KIF15: variants seen among roughly 807,000 people sequenced by gnomAD.
KIF15 encodes the protein kinesin-like protein KIF15.
KIF15 carries 140 observed loss-of-function variants against 190.6 expected under a neutral mutation model. The observed-to-expected ratio is 0.73, with a 90% CI of 0.64 to 0.84. The LOEUF is 0.84. KIF15 is among the 40% of genes least tolerant of loss of function. KIF15 has a pLI of 0.00. For missense variants in KIF15, 1,372 were observed against 1,584.4 expected (o/e 0.87, Z 2.28); for synonymous variants, 528 against 551.3 (o/e 0.96, Z 0.59).
intron 30 of KIF15, among the ~76,000 whole-genome samples, chr3:44,845,464 C>T: frequency 6.6e-6 from 1 of 151,744 alleles, no homozygotes; most frequent in East Asian, 1.9e-4. Context: ...AATCTTCAAT[C>T]AATTTTGAAC....
At chr3:44,868,098 A>G (rs1434397730) in intron 6 of KIF15, among the ~76,000 whole-genome samples, 2 of 152,194 alleles carry the variant, frequency 1.3e-5, no homozygotes, top group Non-Finnish European at 2.9e-5. Context: ...TCTCATACCC[A>G]TTAGCAGTCA....
At chr3:44,806,077 C>T in intron 16 of KIF15, 91 bp downstream of exon 16, 1 of 1,382,198 alleles carries the variant, frequency 7.2e-7, no homozygotes, top group Non-Finnish European at 9.9e-7. Context: ...TCTCCAGATG[C>T]AGATGACATC....
chr3:44,829,374 A>ATGTGTGTG (rs547572565), intron 24 of KIF15, among the ~76,000 whole-genome samples: 3 of 136,824 alleles, frequency 2.2e-5, no homozygotes, highest in Non-Finnish European at 4.6e-5. Flanking sequence ...ATATATATAT[A>ATGTGTGTG]TGTGTGTGTG....
chr3:44,761,982 C>T (rs930998493), intron 1 of KIF15, 98 bp downstream of exon 1: 16 of 1,485,944 alleles, frequency 1.1e-5, no homozygotes, highest in Admixed American at 1.7e-5. Flanking sequence ...TCTTGCTAGG[C>T]ATGAACTGCA....
intron 20 of KIF15, among the ~76,000 whole-genome samples, chr3:44,815,293 A>G (rs1011563856): frequency 6.6e-6 from 1 of 152,218 alleles, no homozygotes; most frequent in Non-Finnish European, 1.5e-5. Flanking sequence ...TCTCTCAGCT[A>G]TGCTCAGTTC....
At chr3:44,807,809 G>A (rs989095663) in intron 16 of KIF15, among the ~76,000 whole-genome samples, 1 of 151,708 alleles carries the variant, frequency 6.6e-6, no homozygotes, top group African/African-American at 2.4e-5. Context: ...TATTTGTTTT[G>A]GCAGCAGCTC....
At chr3:44,768,352 C>T (rs578044783) in intron 1 of KIF15, among the ~76,000 whole-genome samples, 1 of 151,998 alleles carries the variant, frequency 6.6e-6, no homozygotes, top group South Asian at 2.1e-4. Flanking sequence ...AATCCAAGTT[C>T]GTGTTGCATG....
At chr3:44,865,129 C>G (rs776834022) in intron 6 of KIF15, 4 of 1,614,012 alleles carry the variant, frequency 2.5e-6, no homozygotes, top group Non-Finnish European at 3.4e-6. Context: ...TCACCCTAAT[C>G]CACAGGAAGC....
intron 8 of KIF15, among the ~76,000 whole-genome samples, chr3:44,796,893 A>G (rs1707016262): frequency 6.6e-6 from 1 of 152,208 alleles, no homozygotes; most frequent in Admixed American, 6.5e-5. Context: ...AAGGATTGAA[A>G]AAAGTACCTA....
intron 6 of KIF15, among the ~76,000 whole-genome samples, chr3:44,867,949 T>C (rs1575704543): frequency 6.6e-6 from 1 of 152,336 alleles, no homozygotes; most frequent in Non-Finnish European, 1.5e-5. Flanking sequence ...GCCTGATAGG[T>C]CATTCCTTTC....
intron 26 of KIF15, among the ~76,000 whole-genome samples, chr3:44,833,940 G>A (rs576579846): frequency 6.6e-6 from 1 of 152,314 alleles, no homozygotes; most frequent in African/African-American, 2.4e-5. Flanking sequence ...GACTATTGAC[G>A]AAGTTAAAAG....
chr3:44,823,824 G>C (rs1444448894), intron 20 of KIF15, among the ~76,000 whole-genome samples: 4 of 152,228 alleles, frequency 2.6e-5, no homozygotes, highest in Non-Finnish European at 5.9e-5. Context: ...CGAGCTAGGT[G>C]CGGGATATAA....
chr3:44,788,475 A>G (rs1171087323), intron 7 of KIF15, among the ~76,000 whole-genome samples: 2 of 149,222 alleles, frequency 1.3e-5, no homozygotes, highest in African/African-American at 5.0e-5. Context: ...TTTTTTTGAG[A>G]CAGGGTCTCG....
Position 44,797,860 on chromosome 3 carries a change from A to G in KIF15, c.1002A>G (p.Thr334=). The G allele has an allele frequency of 6.2e-7, 1 of 1,613,872 alleles. No individual in the cohort carries two copies. Among genetic ancestry groups the G allele is most frequent in the South Asian group, 1.1e-5 (1 of 91,022 alleles). The change falls in exon 10 of 35, where the codon ACA becomes ACG. Residue 334 remains threonine (T), a synonymous_variant. Transcript: ENST00000326047. Reference sequence around the variant, plus strand: ...ATTCCCTTGGAGGTAATGCCAAAACAGCCATAATTGCAAATGTTCATCCTG... The same window carrying G: ...ATTCCCTTGGAGGTAATGCCAAAACGGCCATAATTGCAAATGTTCATCCTG... ...LRDSLGGNAK[T]AIIANVHPGS...
At chr3:44,857,163 T>C (rs986553574), downstream of KIF15, among the ~76,000 whole-genome samples, 2 of 152,066 alleles carry the variant, frequency 1.3e-5, no homozygotes, top group African/African-American at 4.8e-5. Flanking sequence ...TAGTTTGGTA[T>C]CCAGAATAAT....
chr3:44,769,092 T>G (rs1705535644), intron 1 of KIF15, among the ~76,000 whole-genome samples: 1 of 152,136 alleles, frequency 6.6e-6, no homozygotes, highest in Admixed American at 6.5e-5. Flanking sequence ...TATTCTCAAG[T>G]TTAAGGTTTG....
chr3:44,863,859 T>G (rs1699290981), intron 6 of KIF15: 3 of 294,184 alleles, frequency 1.0e-5, no homozygotes, highest in Admixed American at 8.7e-5. Flanking sequence ...CCTCTGGGAC[T>G]GATCTTCAAG....
At chr3:44,832,450 T>C (rs1225810843) in intron 26 of KIF15, among the ~76,000 whole-genome samples, 1 of 152,162 alleles carries the variant, frequency 6.6e-6, no homozygotes, top group African/African-American at 2.4e-5. Context: ...GTGACAGTTG[T>C]TGGTGTCCAG....
chr3:44,816,563 C>A (rs1481078803), intron 20 of KIF15, among the ~76,000 whole-genome samples: 10 of 152,180 alleles, frequency 6.6e-5, no homozygotes, highest in Admixed American at 6.5e-4. Context: ...CTGCAAAGGA[C>A]ATGAACTCAT....
Sources: gnomAD v4.1 joint callset for allele counts (sites outside exome capture counted in the v4.1 genomes callset) on GRCh38, gnomAD v4.1.1 for gene constraint, MANE v1.5 for transcripts, NCBI Gene and HGNC (gene_info 2026-07-23, HGNC 2026-07-21) for gene names.